KCNA3: variants seen among roughly 807,000 people sequenced by gnomAD.
KCNA3 encodes the protein potassium voltage-gated channel subfamily A member 3, also known as RP11-284N8.3.
A neutral mutation model predicts 34.3 loss-of-function variants in KCNA3; 18 were observed. That is an observed-to-expected ratio of 0.52 (90% CI 0.36 to 0.78). KCNA3 has a LOEUF of 0.78. Ranked by LOEUF, KCNA3 falls within the 30% of genes least tolerant of loss-of-function variation. The pLI is 0.00. For synonymous variants in KCNA3, 324 were observed against 351.7 expected, an observed-to-expected ratio of 0.92 and a Z score of 0.88; for missense variants, 587 against 802.5, an observed-to-expected ratio of 0.73 and a Z score of 3.24.
the KCNA3 span, among the ~76,000 whole-genome samples, chr1:110,659,455 G>T: frequency 6.6e-6 from 1 of 152,106 alleles, no homozygotes; most frequent in Non-Finnish European, 1.5e-5. Context: ...ATAAAAATAT[G>T]TGCTGGCAGA....
the KCNA3 span, among the ~76,000 whole-genome samples, chr1:110,664,675 C>A: frequency 6.6e-6 from 1 of 152,114 alleles, no homozygotes; most frequent in Non-Finnish European, 1.5e-5. Context: ...TATGCCAGGT[C>A]TTGGGTGATA....
In KCNA3 at chr1:110,673,190, G is replaced by A. The variant is rs756586190; in HGVS notation, c.1620C>T (p.Ser540=). The change falls in exon 1 of 1, where the codon AGC becomes AGT. Residue 540 remains serine (S), a synonymous_variant. Transcript: ENST00000369769. This position sits in a 1 kb window ranked among gnomAD's most constrained non-coding sequence, Gnocchi z 8.8. ...TTTTGAAAGGGGTCTGGGGGAAAGCGCTATGGTTCATACCCCCCTCTTCGA... is the reference window on the plus strand; with the variant it reads ...TTTTGAAAGGGGTCTGGGGGAAAGCACTATGGTTCATACCCCCCTCTTCGA... ...MVIEEGGMNH[S]AFPQTPFKTG... The A allele has an allele frequency of 7.4e-6, 12 of 1,613,990 alleles. No individual in the cohort carries two copies. Among genetic ancestry groups the A allele is most frequent in the Non-Finnish European group, 1.0e-5 (12 of 1,180,006 alleles).
chr1:110,655,463 T>G, the KCNA3 span: 1 of 152,126 alleles, frequency 6.6e-6, no homozygotes, highest in African/African-American at 2.4e-5. Context: ...TGTTGTAAGA[T>G]ACAGTATTAA....
the KCNA3 span, among the ~76,000 whole-genome samples, chr1:110,659,390 T>A: frequency 6.6e-6 from 1 of 152,296 alleles, no homozygotes; most frequent in East Asian, 1.9e-4. Flanking sequence ...AACTTCAGAG[T>A]TGTTCCCTTT....
the KCNA3 span, chr1:110,656,547 C>T: frequency 2.0e-5 from 3 of 152,168 alleles, no homozygotes; most frequent in African/African-American, 4.8e-5. Flanking sequence ...CAGATAAACT[C>T]GGGCTCAGAG....
At chr1:110,660,320 A>G in the KCNA3 span, among the ~76,000 whole-genome samples, 1 of 152,212 alleles carries the variant, frequency 6.6e-6, no homozygotes, top group South Asian at 2.1e-4. Context: ...TTTGGACACA[A>G]AATTTATCTT....
chr1:110,668,705 T>C (rs1462219026), downstream of KCNA3, among the ~76,000 whole-genome samples: 1 of 152,206 alleles, frequency 6.6e-6, no homozygotes, highest in Non-Finnish European at 1.5e-5. Flanking sequence ...CAATGTTAAC[T>C]TCCATGTTTC....
chr1:110,670,462 T>A (rs964040794), downstream of KCNA3, among the ~76,000 whole-genome samples: 23 of 152,206 alleles, frequency 1.5e-4, no homozygotes, highest in Admixed American at 1.4e-3. Flanking sequence ...CTAATCAAGG[T>A]TTCTACATCT....
Position 110,674,291 on chromosome 1 carries a change from G to C in KCNA3, c.519C>G (p.Val173=), listed in dbSNP as rs1437306562. The C allele has an allele frequency of 6.2e-7, 1 of 1,614,182 alleles. No homozygotes were observed. The highest frequency in any genetic ancestry group is 1.1e-5 in the South Asian group (1 of 91,084). The part of the protein sequence containing the change: ...YQSGGRIRRP[V]NVPIDIFSEE... ...CGGAGAAAATGTCGATGGGCACGTT[G>C]ACCGGCCGGCGGATGCGGCCCCCGG... The change falls in exon 1 of 1, where the codon GTC becomes GTG. Residue 173 remains valine, a synonymous_variant. Coordinates refer to ENST00000369769, the MANE Select transcript of KCNA3 (RefSeq NM_002232.5). The surrounding 1 kb of genome is among the most constrained non-coding windows in gnomAD (Gnocchi z 6.4).
chr1:110,674,919 C>T lies in KCNA3; in HGVS notation c.-110G>A. The T allele has an allele frequency of 8.0e-7, 1 of 1,244,938 alleles. No homozygotes were observed. The highest frequency in any genetic ancestry group is 1.0e-6 in the Non-Finnish European group (1 of 989,224). 77.1% of individuals were successfully genotyped at this position (1,244,938 alleles called of 1,614,324 possible). ...AGCCCACCGCCTGTTGCAGCCAAAG[C>T]CGCGATGCTCTGTCTGGGTCTGGCG... is the stretch of plus-strand genomic sequence containing the variant. On this transcript the variant is annotated 5_prime_UTR_variant, in exon 1 of 1. Transcript: ENST00000369769. This position sits in a 1 kb window ranked among gnomAD's most constrained non-coding sequence, Gnocchi z 6.4.
rs1304417044 is a variant in KCNA3, at chr1:110,674,408, C to T, written c.402G>A (p.Lys134=). Residue 134 remains lysine, a synonymous_variant, in exon 1 of 1, where the codon AAG becomes AAA. Transcript: ENST00000369769. The surrounding 1 kb of genome is among the most constrained non-coding windows in gnomAD (Gnocchi z 6.4). The part of the protein sequence containing the change: ...QFPETLLGDP[K]RRMRYFDPLR... ...GCGGGTCGAAGTACCTCATGCGCCG[C>T]TTGGGGTCGCCCAGCAGCGTCTCGG... The T allele has an allele frequency of 6.2e-7, 1 of 1,614,076 alleles. No individual in the cohort carries two copies. The highest frequency in any genetic ancestry group is 1.1e-5 in the South Asian group (1 of 91,068).
the KCNA3 span, chr1:110,656,490 CAG>C: frequency 6.6e-6 from 1 of 152,142 alleles, no homozygotes; most frequent in African/African-American, 2.4e-5. Flanking sequence ...ATAGAATTCT[CAG>C]AGATGAGACA....
chr1:110,667,073 G>A, the KCNA3 span, among the ~76,000 whole-genome samples: 2 of 152,222 alleles, frequency 1.3e-5, no homozygotes, highest in East Asian at 3.9e-4. Context: ...TGAGGGGTGT[G>A]TGTGTGTGTG....
downstream of KCNA3, among the ~76,000 whole-genome samples, chr1:110,669,645 C>T (rs1651815010): frequency 6.6e-6 from 1 of 152,166 alleles, no homozygotes; most frequent in Non-Finnish European, 1.5e-5. Context: ...GCATGGGTTT[C>T]AGAGCCAGAA....
At chr1:110,669,177 TATTTACATG>T (rs1208559333), downstream of KCNA3, among the ~76,000 whole-genome samples, 2 of 152,166 alleles carry the variant, frequency 1.3e-5, no homozygotes, top group Non-Finnish European at 2.9e-5. Context: ...AGAGTCAAAA[TATTTACATG>T]ACTTTCTGGT....
At chr1:110,653,864 C>T in the KCNA3 span, 1 of 152,148 alleles carries the variant, frequency 6.6e-6, no homozygotes, top group African/African-American at 2.4e-5. Context: ...ATCATCACTG[C>T]TTAAGAATGA....
the KCNA3 span, chr1:110,654,442 T>C: frequency 6.6e-6 from 1 of 152,154 alleles, no homozygotes; most frequent in Non-Finnish European, 1.5e-5. Context: ...GTTTCTTGGA[T>C]TGATTACTGC....
chr1:110,658,677 C>T, the KCNA3 span, among the ~76,000 whole-genome samples: 1 of 151,920 alleles, frequency 6.6e-6, no homozygotes, highest in Non-Finnish European at 1.5e-5. Context: ...GAAACTTTTA[C>T]ATATATAATT....
chr1:110,658,536 A>G, the KCNA3 span, among the ~76,000 whole-genome samples: 1 of 152,188 alleles, frequency 6.6e-6, no homozygotes, highest in Non-Finnish European at 1.5e-5. Context: ...CATTAATGGC[A>G]CAGAAGTGAA....
Sources: allele counts gnomAD v4.1 joint callset (sites outside exome capture counted in the v4.1 genomes callset), GRCh38; gene constraint gnomAD v4.1.1; non-coding constraint Gnocchi (gnomAD v3.1); transcripts MANE v1.5; gene names NCBI Gene and HGNC (gene_info 2026-07-23, HGNC 2026-07-21).